The following RNF180 variants were observed in gnomAD, a reference collection of about 807,000 sequenced individuals.
RNF180 encodes ring finger protein 180, also known as E3 ubiquitin-protein ligase RNF180.
A neutral mutation model predicts 59.2 loss-of-function variants in RNF180; 38 were observed. The ratio of observed to expected loss-of-function variants is 0.64; its 90% confidence interval spans 0.50 to 0.84. The LOEUF (loss-of-function observed/expected upper bound fraction) is 0.84, where lower values mean the gene tolerates loss of function less well. Ranked by LOEUF, RNF180 falls within the 40% of genes least tolerant of loss-of-function variation. The probability of loss-of-function intolerance (pLI) is 0.00; values close to 1 mark genes in which losing one functional copy is unlikely to be tolerated. For missense variants in RNF180, 705 were observed against 700.9 expected, an observed-to-expected ratio of 1.01 and a Z score of -0.07; for synonymous variants, 262 against 240.3, an observed-to-expected ratio of 1.09 and a Z score of -0.84.
chr5:64,250,984 A>G (rs1743536737), intron 5 of RNF180, among the ~76,000 whole-genome samples: 1 of 152,238 alleles, frequency 6.6e-6, no homozygotes, highest in Admixed American at 6.5e-5. Context: ...ACTGAAGTCA[A>G]CATCACATTA....
intron 5 of RNF180, among the ~76,000 whole-genome samples, chr5:64,321,806 C>T (rs1176620795): frequency 2.0e-5 from 3 of 152,108 alleles, no homozygotes; most frequent in Non-Finnish European, 2.9e-5. Flanking sequence ...GATACTAGTA[C>T]CCAAACAGAC....
intron 5 of RNF180, among the ~76,000 whole-genome samples, chr5:64,243,153 C>T (rs1048333667): frequency 3.9e-5 from 6 of 152,204 alleles, no homozygotes; most frequent in African/African-American, 1.4e-4. Context: ...AAGCACAAAA[C>T]TGGGTGGCCA....
rs141576473 is a variant in RNF180 at position 64,301,944 on chromosome 5, T to TACA, written c.1228-23239_1228-23237dup. On this transcript the variant is annotated intron_variant, in intron 5 of 7. Coordinates refer to ENST00000389100, the MANE Select transcript of RNF180 (RefSeq NM_001113561.2). Reference sequence around the variant, plus strand: ...GAGAACAAATAATTGGAAGCAATAATACAACTTAACACATATACACTCTTA... The same window carrying TACA: ...GAGAACAAATAATTGGAAGCAATAATACAACAACTTAACACATATACACTCTTA... Among the ~76,000 whole-genome samples the TACA allele has an allele frequency of 4.9e-3, 749 of 151,754 alleles. 9 individuals are homozygous for TACA. Among genetic ancestry groups the TACA allele is most frequent in the African/African-American group, 0.017 (701 of 41,494 alleles).
intron 1 of RNF180, among the ~76,000 whole-genome samples, chr5:64,198,289 C>G (rs988978716): frequency 2.0e-5 from 3 of 152,090 alleles, no homozygotes; most frequent in African/African-American, 7.2e-5. Context: ...CTAGTAGCTA[C>G]TGTATAGAAT....
chr5:64,195,587 T>G (rs554231707), intron 1 of RNF180, among the ~76,000 whole-genome samples: 11 of 152,326 alleles, frequency 7.2e-5, no homozygotes, highest in African/African-American at 2.6e-4. Flanking sequence ...ATTTTACCAT[T>G]GGCTAATTGA....
At chr5:64,344,179 G>C (rs1302141846) in intron 7 of RNF180, among the ~76,000 whole-genome samples, 1 of 151,802 alleles carries the variant, frequency 6.6e-6, no homozygotes, top group Non-Finnish European at 1.5e-5. Flanking sequence ...AGAAAAACAA[G>C]AACCAATTAT....
intron 5 of RNF180, among the ~76,000 whole-genome samples, chr5:64,227,247 A>T (rs1175851961): frequency 6.6e-6 from 1 of 152,076 alleles, no homozygotes; most frequent in East Asian, 1.9e-4. Context: ...CTTGGAGGAG[A>T]CCAGGGGCTT....
At chr5:64,193,468 A>T (rs182911898) in intron 1 of RNF180, among the ~76,000 whole-genome samples, 40 of 152,036 alleles carry the variant, frequency 2.6e-4, no homozygotes, top group East Asian at 5.8e-4. Context: ...AGCTTTTTTT[A>T]AAAAAAATTA....
chr5:64,183,091 G>A (rs1341466665), intron 1 of RNF180, among the ~76,000 whole-genome samples: 5 of 152,136 alleles, frequency 3.3e-5, no homozygotes, highest in Non-Finnish European at 7.3e-5. Context: ...AGAATTCTCT[G>A]TCAAAACTTC....
At position 64,217,403 on chromosome 5, in the gene RNF180, A is replaced by G. The variant is rs374404583; in HGVS notation, c.1227+7A>G. The G allele has an allele frequency of 7.1e-6, 10 of 1,401,532 alleles. No individual in the cohort carries two copies. In the African/African-American group the frequency reaches 1.2e-4, roughly 16 times the overall value. 86.8% of individuals were successfully genotyped at this position (1,401,532 alleles called of 1,614,324 possible). On this transcript the variant is annotated splice_region_variant and intron_variant, in intron 5 of 7. Coordinates refer to ENST00000389100, the MANE Select transcript of RNF180 (RefSeq NM_001113561.2). ...GGGATTGCTGGATCATATGGTAAGT[A>G]TATATTTACTTATATGAGAAATTGT...
chr5:64,338,543 G>A (rs966153022), intron 7 of RNF180, among the ~76,000 whole-genome samples: 2 of 151,770 alleles, frequency 1.3e-5, no homozygotes, highest in Non-Finnish European at 2.9e-5. Context: ...TCTGAGGCAG[G>A]AGAATGGCGT....
chr5:64,361,848 G>C (rs1399273473), intron 7 of RNF180, among the ~76,000 whole-genome samples: 1 of 151,138 alleles, frequency 6.6e-6, no homozygotes, highest in Non-Finnish European at 1.5e-5. Flanking sequence ...TGACTATTAT[G>C]TTATCATAAT....
intron 5 of RNF180, among the ~76,000 whole-genome samples, chr5:64,254,023 T>C (rs547166476): frequency 6.6e-6 from 1 of 152,166 alleles, no homozygotes; most frequent in Admixed American, 6.6e-5. Flanking sequence ...CACATATATG[T>C]AATGATCACC....
intron 5 of RNF180, among the ~76,000 whole-genome samples, chr5:64,276,319 GGTGTGTGTGTGTGTGTGTGTGT>G (rs375203511): frequency 2.2e-5 from 3 of 138,086 alleles, no homozygotes; most frequent in African/African-American, 2.8e-5. Flanking sequence ...AAAATACATT[GGTGTGTGTGTGTGTGTGTGTGT>G]GTGTGTGTGT....
intron 5 of RNF180, among the ~76,000 whole-genome samples, chr5:64,301,173 C>T (rs1321990739): frequency 2.0e-5 from 3 of 151,644 alleles, no homozygotes; most frequent in African/African-American, 7.3e-5. Flanking sequence ...TTCTCTTAGC[C>T]CTTCCTACTG....
chr5:64,326,846 C>G (rs760274129), intron 6 of RNF180, among the ~76,000 whole-genome samples: 23 of 152,128 alleles, frequency 1.5e-4, no homozygotes, highest in Non-Finnish European at 7.4e-5. Context: ...AGACTTCCCT[C>G]TGCTTCAATT....
intron 2 of RNF180, among the ~76,000 whole-genome samples, chr5:64,210,391 T>G (rs142503209): frequency 9.1e-4 from 139 of 152,280 alleles, no homozygotes; most frequent in African/African-American, 3.2e-3. Flanking sequence ...GAAATTGGCA[T>G]CCACAGATGT....
At chr5:64,264,340 C>A (rs182789528) in intron 5 of RNF180, among the ~76,000 whole-genome samples, 2 of 152,096 alleles carry the variant, frequency 1.3e-5, no homozygotes, top group African/African-American at 4.8e-5. Flanking sequence ...GTTTTAAGCC[C>A]CACATGCATT....
chr5:64,226,766 GCCTCCA>G (rs1250299058), intron 5 of RNF180, among the ~76,000 whole-genome samples: 2 of 152,144 alleles, frequency 1.3e-5, no homozygotes. Context: ...GAGTTCTTTA[GCCTCCA>G]AAATACAAGC....
Sources: gnomAD v4.1 joint callset for allele counts (sites outside exome capture counted in the v4.1 genomes callset) on GRCh38, gnomAD v4.1.1 for gene constraint, MANE v1.5 for transcripts, NCBI Gene and HGNC (gene_info 2026-07-23, HGNC 2026-07-21) for gene names.